The following COMMD1 variants were observed in gnomAD, a reference collection of about 807,000 sequenced individuals.
The protein encoded by COMMD1 is COMM domain-containing protein 1.
Under a neutral mutation model 17.2 loss-of-function variants are expected in COMMD1, and 10 were observed. That is an observed-to-expected ratio of 0.58 (90% CI 0.36 to 0.99). COMMD1 has a LOEUF of 0.99. Among genes scored for constraint, COMMD1 ranks in the 50% least tolerant of loss-of-function variants. The probability of loss-of-function intolerance (pLI) is 0.01; values close to 1 mark genes in which losing one functional copy is unlikely to be tolerated. For synonymous variants in COMMD1, 97 were observed against 91.6 expected (o/e 1.06, Z -0.34); for missense variants, 270 against 231.8 (o/e 1.17, Z -1.07).
intron 1 of COMMD1, among the ~76,000 whole-genome samples, chr2:61,922,756 G>A (rs1465025779): frequency 1.3e-5 from 2 of 152,292 alleles, no homozygotes; most frequent in East Asian, 3.9e-4. Flanking sequence ...TACTTTAAAA[G>A]ACCCCATACA....
chr2:62,065,868 G>C (rs1350111451), intron 2 of COMMD1, among the ~76,000 whole-genome samples: 1 of 152,186 alleles, frequency 6.6e-6, no homozygotes, highest in Non-Finnish European at 1.5e-5. Flanking sequence ...GATTTGAATT[G>C]TTATGCAGTT....
intron 1 of COMMD1, among the ~76,000 whole-genome samples, chr2:61,897,071 C>G (rs1471644139): frequency 6.6e-6 from 1 of 152,230 alleles, no homozygotes; most frequent in South Asian, 2.1e-4. Context: ...CTCAAGCAAT[C>G]CACCCACCTC....
At chr2:62,025,568 A>T (rs1360194026) in intron 2 of COMMD1, among the ~76,000 whole-genome samples, 1 of 152,182 alleles carries the variant, frequency 6.6e-6, no homozygotes, top group Non-Finnish European at 1.5e-5. Flanking sequence ...ACTCAACCCC[A>T]AAGGCAGAAA....
At chr2:62,095,354 C>A (rs997040416) in intron 2 of COMMD1, among the ~76,000 whole-genome samples, 3 of 152,190 alleles carry the variant, frequency 2.0e-5, no homozygotes, top group Non-Finnish European at 4.4e-5. Flanking sequence ...CCTAAAAATT[C>A]TATTGGCTAA....
chr2:61,947,166 CT>C (rs1670929404), intron 1 of COMMD1, among the ~76,000 whole-genome samples: 1 of 152,044 alleles, frequency 6.6e-6, no homozygotes, highest in African/African-American at 2.4e-5. Context: ...ACCCAAATAT[CT>C]TTAGTTTCTC....
At chr2:62,067,167 G>A (rs1388940673) in intron 2 of COMMD1, among the ~76,000 whole-genome samples, 3 of 151,898 alleles carry the variant, frequency 2.0e-5, no homozygotes, top group Non-Finnish European at 4.4e-5. Flanking sequence ...GGAGGTTGCG[G>A]TGAGCAGAGA....
At chr2:62,062,102 T>G (rs766999761) in intron 2 of COMMD1, among the ~76,000 whole-genome samples, 21 of 152,094 alleles carry the variant, frequency 1.4e-4, no homozygotes, top group Non-Finnish European at 2.5e-4. Flanking sequence ...TCCTACTGTT[T>G]GTAGCTGTAT....
chr2:62,101,465 CT>C (rs1469902975), intron 2 of COMMD1, among the ~76,000 whole-genome samples: 2 of 152,110 alleles, frequency 1.3e-5, no homozygotes, highest in Non-Finnish European at 1.5e-5. Flanking sequence ...AAAAAATTAG[CT>C]GGGCATAGTG....
intron 1 of COMMD1, among the ~76,000 whole-genome samples, chr2:61,899,695 G>C (rs1342090132): frequency 6.6e-6 from 1 of 152,016 alleles, no homozygotes; most frequent in Non-Finnish European, 1.5e-5. Flanking sequence ...GTTTTTTTGA[G>C]GCAGAGTCTT....
intron 2 of COMMD1, among the ~76,000 whole-genome samples, chr2:62,042,102 AG>A (rs1161962369): frequency 6.6e-6 from 1 of 152,160 alleles, no homozygotes; most frequent in East Asian, 1.9e-4. Flanking sequence ...CATTTTACAG[AG>A]AGCTGATTGG....
chr2:61,920,371 C>T (rs925740373), intron 1 of COMMD1, among the ~76,000 whole-genome samples: 1 of 151,512 alleles, frequency 6.6e-6, no homozygotes, highest in African/African-American at 2.4e-5. Context: ...AACAGTACTG[C>T]AGAGAGAGTT....
chr2:62,080,785 ATTTT>A (rs55825411), intron 2 of COMMD1, among the ~76,000 whole-genome samples: 2 of 143,580 alleles, frequency 1.4e-5, no homozygotes, highest in Non-Finnish European at 3.0e-5. Flanking sequence ...GATAGTTGGA[ATTTT>A]TTTTTTTTTT....
chr2:61,987,896 T>A (rs1672146605), intron 1 of COMMD1, among the ~76,000 whole-genome samples: 1 of 152,144 alleles, frequency 6.6e-6, no homozygotes, highest in African/African-American at 2.4e-5. Flanking sequence ...AGACAAAGTC[T>A]TTCCCACTCT....
intron 1 of COMMD1, among the ~76,000 whole-genome samples, chr2:61,984,950 A>G (rs958034772): frequency 2.7e-5 from 4 of 146,734 alleles, no homozygotes; most frequent in Non-Finnish European, 6.0e-5. Context: ...AATCCATTTT[A>G]TCTGATATAA....
chr2:61,981,737 G>A (rs1399488850), intron 1 of COMMD1, among the ~76,000 whole-genome samples: 1 of 152,094 alleles, frequency 6.6e-6, no homozygotes, highest in Non-Finnish European at 1.5e-5. Context: ...AAAACCATCA[G>A]ATCTTATGAG....
At chr2:61,970,999 C>T (rs1029094670) in intron 1 of COMMD1, among the ~76,000 whole-genome samples, 5 of 152,156 alleles carry the variant, frequency 3.3e-5, no homozygotes, top group African/African-American at 1.2e-4. Flanking sequence ...CCCCCTGTCT[C>T]CTGGGCTCAA....
chr2:62,122,449 T>C (rs533992752), intron 2 of COMMD1, among the ~76,000 whole-genome samples: 18 of 151,478 alleles, frequency 1.2e-4, no homozygotes, highest in Non-Finnish European at 2.2e-4. Flanking sequence ...CTTTTCTTTT[T>C]TTTTTTTTTT....
At chr2:62,121,103 C>G (rs1672729873) in intron 2 of COMMD1, among the ~76,000 whole-genome samples, 1 of 152,058 alleles carries the variant, frequency 6.6e-6, no homozygotes, top group African/African-American at 2.4e-5. Context: ...GGCACAGTGG[C>G]TCACGCCTGT....
At chr2:61,902,246 G>A (rs1180315456), upstream of COMMD1, among the ~76,000 whole-genome samples, 6 of 151,818 alleles carry the variant, frequency 4.0e-5, no homozygotes, top group East Asian at 2.0e-4. Flanking sequence ...GGTGGCTCAC[G>A]CCTGTAATCC....
Sources: gnomAD v4.1 joint callset for allele counts (sites outside exome capture counted in the v4.1 genomes callset) on GRCh38, gnomAD v4.1.1 for gene constraint, MANE v1.5 for transcripts, NCBI Gene and HGNC (gene_info 2026-07-23, HGNC 2026-07-21) for gene names.